FGF14: variants seen among roughly 807,000 people sequenced by gnomAD.
FGF14 encodes fibroblast growth factor homologous factor 4.
FGF14 carries 5 observed loss-of-function variants against 25.5 expected under a neutral mutation model. That is an observed-to-expected ratio of 0.20 (90% CI 0.10 to 0.41). The LOEUF is 0.41. Ranked by LOEUF, FGF14 falls within the 10% of genes least tolerant of loss-of-function variation. The probability of loss-of-function intolerance (pLI) is 1.00; values close to 1 mark genes in which losing one functional copy is unlikely to be tolerated. For synonymous variants in FGF14, 138 were observed against 118.3 expected, an observed-to-expected ratio of 1.17 and a Z score of -1.08; for missense variants, 222 against 320.1, an observed-to-expected ratio of 0.69 and a Z score of 2.34.
chr13:102,067,464 C>T (rs1210093193), intron 1 of FGF14, among the ~76,000 whole-genome samples: 1 of 151,752 alleles, frequency 6.6e-6, no homozygotes, highest in Non-Finnish European at 1.5e-5. Flanking sequence ...ATTTTCTCAA[C>T]TCCTAATTGG....
chr13:102,156,263 A>C (rs1355579656), intron 1 of FGF14, among the ~76,000 whole-genome samples: 22 of 152,208 alleles, frequency 1.4e-4, no homozygotes, highest in Middle Eastern at 3.2e-3. Context: ...AATCCTCAAT[A>C]AAATACTGGC....
rs2034434800 is a variant in FGF14, at chr13:101,710,896, G to T, written c.*11935C>A. 6.6e-6 allele frequency: 1 copy of T among 152,180 alleles called. No individual in the cohort carries two copies. Among genetic ancestry groups the T allele is most frequent in the African/African-American group, 2.4e-5 (1 of 41,434 alleles). The allele number at this position is 152,180 out of a possible 1,614,324, so 9.4% of individuals were successfully genotyped here. On this transcript the variant is annotated 3_prime_UTR_variant, in exon 5 of 5. Transcript: ENST00000376143. ...AAAATTTAAAACAAGATACATTCTT[G>T]TGACCTTCATAACAGATGGAGTAGT...
intron 1 of FGF14, among the ~76,000 whole-genome samples, chr13:102,315,810 A>G (rs1397299004): frequency 6.6e-6 from 1 of 152,176 alleles, no homozygotes; most frequent in Non-Finnish European, 1.5e-5. Context: ...TGAGCCTAAC[A>G]CAGATTTATT....
chr13:102,034,605 C>A (rs1472408144), intron 1 of FGF14, among the ~76,000 whole-genome samples: 1 of 152,092 alleles, frequency 6.6e-6, no homozygotes, highest in Non-Finnish European at 1.5e-5. Flanking sequence ...AGTATTCCAA[C>A]ATAAGAGCTA....
chr13:101,966,825 G>A (rs146385354), intron 1 of FGF14, among the ~76,000 whole-genome samples: 5 of 152,208 alleles, frequency 3.3e-5, no homozygotes, highest in Non-Finnish European at 7.4e-5. Flanking sequence ...CTTTCTTAGG[G>A]ACGACCTAGA....
chr13:102,054,169 G>C (rs1324394354), intron 1 of FGF14, among the ~76,000 whole-genome samples: 1 of 152,166 alleles, frequency 6.6e-6, no homozygotes, highest in Non-Finnish European at 1.5e-5. Context: ...AGAGAATACT[G>C]AGTCACTTTT....
At chr13:102,200,706 T>G (rs2049578384) in intron 1 of FGF14, among the ~76,000 whole-genome samples, 1 of 151,992 alleles carries the variant, frequency 6.6e-6, no homozygotes, top group Non-Finnish European at 1.5e-5. Context: ...TCAGAGACTC[T>G]ACTTACTATT....
At chr13:102,128,699 C>A (rs1423939434) in intron 1 of FGF14, among the ~76,000 whole-genome samples, 1 of 152,176 alleles carries the variant, frequency 6.6e-6, no homozygotes, top group African/African-American at 2.4e-5. Flanking sequence ...AAAGTGCTGT[C>A]TTCTGAAGAG....
rs1457593563 is a variant in FGF14, at chr13:101,767,761, T to C, written c.409-40951A>G. Among the ~76,000 whole-genome samples the C allele has an allele frequency of 2.6e-5, 4 of 152,268 alleles. No homozygotes were observed. The East Asian group carries it at 5.8e-4, about 22-fold the overall frequency. On this transcript the variant is annotated intron_variant, in intron 3 of 4. Transcript: ENST00000376143. Reference sequence around the variant, plus strand: ...AAGACAATAGTAGAATCATTATCTCTCTGCTACCCTGTTGGGACAAAGCTC... The same window carrying C: ...AAGACAATAGTAGAATCATTATCTCCCTGCTACCCTGTTGGGACAAAGCTC...
intron 1 of FGF14, among the ~76,000 whole-genome samples, chr13:102,001,851 A>C (rs1165285556): frequency 1.3e-5 from 2 of 152,216 alleles, no homozygotes; most frequent in East Asian, 1.9e-4. Flanking sequence ...AAAAAGATTA[A>C]TTCCAAGGGA....
At chr13:102,105,930 G>A (rs1489861697) in intron 1 of FGF14, among the ~76,000 whole-genome samples, 2 of 152,060 alleles carry the variant, frequency 1.3e-5, no homozygotes, top group Non-Finnish European at 2.9e-5. Context: ...TCAACATATT[G>A]CAATCAATAT....
rs1156419449 is a variant in FGF14 at position 101,875,531 on chromosome 13, ATATT to A, written c.194-239_194-236del. Among the ~76,000 whole-genome samples, 3 of 152,242 alleles carry A rather than the reference ATATT, an allele frequency of 2.0e-5. No homozygotes were observed. In the East Asian group the frequency reaches 5.8e-4, roughly 29 times the overall value. The stretch of plus-strand genomic sequence containing the variant: ...GCTGTTTTATAAAACTGGTATATGC[ATATT>A]TAAATTATTAATTAAAACTATTAAA... On this transcript the variant is annotated intron_variant, in intron 1 of 4. Transcript: ENST00000376143.
chr13:101,788,897 TATATATATATATAGAGAGAGAGAG>T (rs1487723527), intron 3 of FGF14, among the ~76,000 whole-genome samples: 4 of 49,672 alleles, frequency 8.1e-5, no homozygotes, highest in African/African-American at 1.8e-4. Flanking sequence ...TATATATATA[TATATATATATATAGAGAGAGAGAG>T]AGAGAGAGAG....
At chr13:102,019,784 C>G (rs1160234201) in intron 1 of FGF14, among the ~76,000 whole-genome samples, 1 of 152,098 alleles carries the variant, frequency 6.6e-6, no homozygotes, top group Non-Finnish European at 1.5e-5. Flanking sequence ...GAACTGCACA[C>G]TTTAAATACA....
At chr13:102,057,765 A>G (rs1479075375) in intron 1 of FGF14, among the ~76,000 whole-genome samples, 4 of 152,208 alleles carry the variant, frequency 2.6e-5, no homozygotes, top group Non-Finnish European at 5.9e-5. Flanking sequence ...GAATAGATAA[A>G]TAAATGATAA....
chr13:101,860,692 T>G (rs1326002164), intron 3 of FGF14, among the ~76,000 whole-genome samples: 3 of 152,068 alleles, frequency 2.0e-5, no homozygotes, highest in Non-Finnish European at 2.9e-5. Context: ...TCTCCCCATC[T>G]CAGCCTCCCA....
chr13:102,175,847 C>A (rs2048423020), intron 1 of FGF14, among the ~76,000 whole-genome samples: 1 of 151,930 alleles, frequency 6.6e-6, no homozygotes, highest in Non-Finnish European at 1.5e-5. Context: ...CAGAGAAATG[C>A]AAATTAAAAC....
At chr13:102,174,285 C>A (rs2048357257) in intron 1 of FGF14, among the ~76,000 whole-genome samples, 1 of 151,376 alleles carries the variant, frequency 6.6e-6, no homozygotes, top group Non-Finnish European at 1.5e-5. Context: ...CAGGAGCATG[C>A]CAACATGCCC....
At chr13:101,834,072 C>T (rs1156789137) in intron 3 of FGF14, among the ~76,000 whole-genome samples, 2 of 152,030 alleles carry the variant, frequency 1.3e-5, no homozygotes, top group Non-Finnish European at 2.9e-5. Context: ...CAATCACCTC[C>T]AAGTGAGACT....
Sources: allele counts gnomAD v4.1 joint callset (sites outside exome capture counted in the v4.1 genomes callset), GRCh38; gene constraint gnomAD v4.1.1; transcripts MANE v1.5; gene names NCBI Gene and HGNC (gene_info 2026-07-23, HGNC 2026-07-21).